The following UBL7 variants were observed in gnomAD, a reference collection of about 807,000 sequenced individuals.
UBL7 encodes ubiquitin-like protein 7.
A neutral mutation model predicts 41.7 loss-of-function variants in UBL7; 21 were observed. The ratio of observed to expected loss-of-function variants is 0.50; its 90% CI spans 0.36 to 0.73. The LOEUF (loss-of-function observed/expected upper bound fraction) is 0.73. Among genes scored for constraint, UBL7 ranks in the 30% least tolerant of loss-of-function variants. The probability of loss-of-function intolerance (pLI) is 0.00; values close to 1 mark genes in which losing one functional copy is unlikely to be tolerated. For missense variants in UBL7, 403 were observed against 478.4 expected (o/e 0.84, Z 1.47); for synonymous variants, 157 against 186.9 (o/e 0.84, Z 1.31).
chr15:74,450,252 G>A (rs543403937), intron 6 of UBL7, among the ~76,000 whole-genome samples, 183 bp from the exon 7 acceptor site: 2 of 152,240 alleles, frequency 1.3e-5, no homozygotes, highest in East Asian at 3.9e-4. Context: ...AGCAACGGGT[G>A]CAAGGCCTTC....
chr15:74,456,813 CT>C (rs950347504), intron 2 of UBL7, 142 bp from the exon 3 acceptor site: 79,358 of 788,666 alleles, frequency 0.1, 8 homozygotes, highest in South Asian at 0.16. Flanking sequence ...TTAACAAATA[CT>C]TTTTTTTTTT....
Position 74,449,368 on chromosome 15 carries a change from C to T in UBL7, c.715-15G>A, listed in dbSNP as rs1469406520. On this transcript the variant is annotated splice_polypyrimidine_tract_variant and intron_variant, in intron 8 of 10. Coordinates refer to ENST00000395081, the MANE Select transcript of UBL7 (RefSeq NM_032907.5). Reference sequence around the variant, plus strand: ...GACCTGGTGTTCTGGAGAAAGAAGACACTCAGAATCAGGGAAGCAGTACTG... The same window carrying T: ...GACCTGGTGTTCTGGAGAAAGAAGATACTCAGAATCAGGGAAGCAGTACTG... 8 of 1,613,538 alleles carry T rather than the reference C, an allele frequency of 5.0e-6. No individual in the cohort carries two copies. The Admixed American group carries it at 1.3e-4, about 27-fold the overall frequency.
intron 3 of UBL7, 67 bp from the exon 4 acceptor site, chr15:74,452,445 A>G: frequency 6.8e-7 from 1 of 1,470,694 alleles, no homozygotes; most frequent in East Asian, 2.5e-5. Flanking sequence ...ACATGGCAAC[A>G]TCATTTCAGC....
chr15:74,451,143 C>T (rs1000636486), intron 5 of UBL7, among the ~76,000 whole-genome samples: 2 of 152,204 alleles, frequency 1.3e-5, no homozygotes, highest in Admixed American at 1.3e-4. Context: ...GGGTTCTTCC[C>T]TTACTCAGGG....
At chr15:74,452,964 G>A (rs990238398) in intron 3 of UBL7, among the ~76,000 whole-genome samples, 18 of 152,106 alleles carry the variant, frequency 1.2e-4, no homozygotes, top group East Asian at 7.7e-4. Flanking sequence ...CACACACCTC[G>A]GCCTCCCAAA....
Position 74,458,663 on chromosome 15 carries a change from C to T in UBL7, c.184+21G>A, listed in dbSNP as rs1201140326. On this transcript the variant is annotated intron_variant, in intron 2 of 10. Transcript: ENST00000395081. ...AAAAGAGATCAGAGCAGCAGCCCAA[C>T]CCCAGTCCAGAGAGACTCACCAATC... 7 of 1,601,790 alleles carry T rather than the reference C, an allele frequency of 4.4e-6. 1 individual carries two copies. The highest frequency in any genetic ancestry group is 1.3e-5 in the African/African-American group (1 of 74,824).
Position 74,458,772 on chromosome 15 carries a change from T to C in UBL7, c.96A>G (p.Glu32=). 6.2e-7 allele frequency: 1 copy of C among 1,614,026 alleles called. No homozygotes were observed. The highest frequency in any genetic ancestry group is 8.5e-7 in the Non-Finnish European group (1 of 1,180,026). ...ILRLPETELG[E]YSLGGYSISF... is the part of the protein sequence containing the mutation. ...AAATACTATAGCCCCCTAGCGAGTA[T>C]TCTCCCAGTTCTGTCTCTGGCAACC... Residue 32 remains glutamate, a synonymous_variant, in exon 2 of 11, where the codon GAA becomes GAG. Coordinates refer to ENST00000395081, the MANE Select transcript of UBL7 (RefSeq NM_032907.5).
intron 3 of UBL7, among the ~76,000 whole-genome samples, chr15:74,453,307 C>A (rs1339819388): frequency 2.0e-5 from 3 of 152,156 alleles, no homozygotes; most frequent in Non-Finnish European, 2.9e-5. Context: ...AGAACCCCTG[C>A]CATCAAGGAA....
intron 1 of UBL7, among the ~76,000 whole-genome samples, chr15:74,459,335 C>T (rs1471537597): frequency 1.3e-5 from 2 of 150,162 alleles, no homozygotes; most frequent in African/African-American, 2.5e-5. Context: ...GAGTCTCGCT[C>T]TGTTGCCCAG....
intron 1 of UBL7, chr15:74,460,660 C>T: frequency 7.8e-7 from 1 of 1,280,644 alleles, no homozygotes; most frequent in Non-Finnish European, 1.0e-6. Flanking sequence ...TCATCCTTGT[C>T]CCCATACCTG....
intron 8 of UBL7, 106 bp from the exon 9 acceptor site, chr15:74,449,459 G>A: frequency 1.3e-6 from 2 of 1,531,666 alleles, no homozygotes; most frequent in South Asian, 1.2e-5. Flanking sequence ...TAAGTTCCCA[G>A]GTTCAGAAAG....
chr15:74,456,842 C>G lies in UBL7; in HGVS notation c.185-171G>C, dbSNP rs1355699980. 2.6e-5 allele frequency among the ~76,000 whole-genome samples: 4 copies of G among 151,504 alleles called. No individual in the cohort carries two copies. In the East Asian group the frequency reaches 7.7e-4, roughly 29 times the overall value. On this transcript the variant is annotated intron_variant, in intron 2 of 10. Coordinates refer to ENST00000395081, the MANE Select transcript of UBL7 (RefSeq NM_032907.5). The stretch of plus-strand genomic sequence containing the variant: ...TTTTTTTTTGGAAAACAGGGTCTTA[C>G]TCTGTTGCCCAGGCTTGAGTGCAAT...
chr15:74,459,609 G>A (rs773136281), intron 1 of UBL7, among the ~76,000 whole-genome samples: 10 of 151,514 alleles, frequency 6.6e-5, no homozygotes, highest in Non-Finnish European at 1.2e-4. Flanking sequence ...GAGCGACTGC[G>A]CCTGGCCACA....
At chr15:74,454,088 C>T (rs1031901924) in intron 3 of UBL7, among the ~76,000 whole-genome samples, 6 of 152,184 alleles carry the variant, frequency 3.9e-5, no homozygotes, top group Non-Finnish European at 8.8e-5. Flanking sequence ...ACCCCTGGTC[C>T]ATATCCCAGC....
At chr15:74,455,072 G>A (rs74025810) in intron 3 of UBL7, among the ~76,000 whole-genome samples, 3,402 of 152,288 alleles carry the variant, frequency 0.022, 129 homozygotes, top group African/African-American at 0.079. Flanking sequence ...TCCCCAAAAG[G>A]ATTCCAGGGC....
Position 74,448,576 on chromosome 15 carries a change from T to C in UBL7, c.907A>G (p.Met303Val), listed in dbSNP as rs369160191. ...TQGHSSGTSP[M>V]SSGVQSGTPI... ...GTCCCTGACTGGACACCAGAGGACA[T>C]TGGTGAGGTCCCTGAGGAATGACCC... The change falls in exon 10 of 11, where the codon ATG (methionine) becomes GTG (valine). Residue 303 changes from methionine (M) to valine (V), a missense_variant. By Grantham distance (21) the Met-to-Val change is conservative. Transcript: ENST00000395081. The C allele has an allele frequency of 5.6e-6, 9 of 1,613,990 alleles. No individual in the cohort carries two copies. The highest frequency in any genetic ancestry group is 1.1e-5 in the South Asian group (1 of 91,078).
At position 74,446,030 on chromosome 15, in the gene UBL7, A is replaced by C. The variant is rs2061179487; in HGVS notation, c.*60T>G. ...AGGGAGAGATGGAGGCACCTTCATG[A>C]GTGCCTCCCAAGGGCAGTAGCCTCT... On this transcript the variant is annotated 3_prime_UTR_variant, in exon 11 of 11. Transcript: ENST00000395081. This position sits in a 1 kb window ranked among gnomAD's most constrained non-coding sequence, Gnocchi z 4.1. 6.3e-7 allele frequency: 1 copy of C among 1,585,450 alleles called. No individual in the cohort carries two copies. The highest frequency in any genetic ancestry group is 1.8e-5 in the Admixed American group (1 of 56,112).
chr15:74,456,309 CCAAAAAA>C (rs1162331679), intron 3 of UBL7, among the ~76,000 whole-genome samples: 1 of 151,834 alleles, frequency 6.6e-6, no homozygotes, highest in Admixed American at 6.6e-5. Context: ...CTCAAAAAAA[CCAAAAAA>C]CAAAAAACAA....
intron 1 of UBL7, 184 bp from the exon 2 acceptor site, chr15:74,459,080 C>G: frequency 1.7e-6 from 1 of 574,580 alleles, no homozygotes; most frequent in South Asian, 2.2e-5. Context: ...ATGGACAGCT[C>G]TCTAGGCCTC....
Sources: allele counts gnomAD v4.1 joint callset (sites outside exome capture counted in the v4.1 genomes callset), GRCh38; gene constraint gnomAD v4.1.1; non-coding constraint Gnocchi (gnomAD v3.1); transcripts MANE v1.5; gene names NCBI Gene and HGNC (gene_info 2026-07-23, HGNC 2026-07-21).